PALLD: variants seen among roughly 807,000 people sequenced by gnomAD.
PALLD encodes the protein palladin, cytoskeletal associated protein.
In PALLD, 61 loss-of-function variants were observed where a neutral mutation model predicts 123.5. The observed-to-expected ratio is 0.49, with a 90% CI of 0.40 to 0.61. The LOEUF (loss-of-function observed/expected upper bound fraction) is 0.61, where lower values mean the gene tolerates loss of function less well. Among genes scored for constraint, PALLD ranks in the 20% least tolerant of loss-of-function variants. The pLI is 0.00. For missense variants in PALLD, 1,273 were observed against 1,377.0 expected, an observed-to-expected ratio of 0.92 and a Z score of 1.20; for synonymous variants, 465 against 496.4, an observed-to-expected ratio of 0.94 and a Z score of 0.84.
intron 10 of PALLD, among the ~76,000 whole-genome samples, chr4:168,712,730 C>T (rs896625693): frequency 1.6e-4 from 25 of 152,238 alleles, no homozygotes; most frequent in African/African-American, 6.0e-4. Context: ...TGTATGTATT[C>T]TATGAGGTCA....
intron 2 of PALLD, among the ~76,000 whole-genome samples, chr4:168,664,033 C>T (rs1258094991): frequency 2.0e-5 from 3 of 152,180 alleles, no homozygotes; most frequent in Non-Finnish European, 4.4e-5. Flanking sequence ...TATTACATCT[C>T]CCTCCTTGAT....
At chr4:168,690,873 T>C in intron 7 of PALLD, 129 bp downstream of exon 7, 2 of 974,636 alleles carry the variant, frequency 2.1e-6, no homozygotes, top group Non-Finnish European at 3.3e-6. Context: ...TCAGATAATC[T>C]ACAGTGTGTT....
At chr4:168,908,266 C>G (rs1410209422) in intron 15 of PALLD, among the ~76,000 whole-genome samples, 1 of 152,164 alleles carries the variant, frequency 6.6e-6, no homozygotes, top group Non-Finnish European at 1.5e-5. Flanking sequence ...GTGAACTTCA[C>G]TATCCATTAG....
intron 2 of PALLD, among the ~76,000 whole-genome samples, chr4:168,576,594 C>T (rs1195059294): frequency 2.0e-5 from 3 of 151,430 alleles, no homozygotes; most frequent in African/African-American, 2.4e-5. Context: ...CATAGTATTC[C>T]ATGGTGTATA....
intron 2 of PALLD, among the ~76,000 whole-genome samples, chr4:168,564,341 C>A (rs1003879472): frequency 4.6e-5 from 7 of 152,094 alleles, no homozygotes; most frequent in African/African-American, 1.7e-4. Flanking sequence ...CCTACCATGA[C>A]GTTAGCATTT....
intron 10 of PALLD, among the ~76,000 whole-genome samples, chr4:168,781,269 T>C (rs543418050): frequency 1.9e-4 from 29 of 152,310 alleles, no homozygotes; most frequent in African/African-American, 7.0e-4. Flanking sequence ...TTGAACAGGA[T>C]GATGTTTGAG....
At chr4:168,726,752 T>TAAA (rs201392402) in intron 10 of PALLD, among the ~76,000 whole-genome samples, 1 of 146,776 alleles carries the variant, frequency 6.8e-6, no homozygotes, top group African/African-American at 2.5e-5. Flanking sequence ...GCTGTCCCTT[T>TAAA]AAAAAAAAAA....
chr4:168,499,397 G>T (rs1163343441), intron 1 of PALLD, among the ~76,000 whole-genome samples: 1 of 151,082 alleles, frequency 6.6e-6, no homozygotes, highest in Non-Finnish European at 1.5e-5. Context: ...ATTTAGTCTA[G>T]GGGGGTTGCC....
intron 8 of PALLD, among the ~76,000 whole-genome samples, chr4:168,695,823 T>C (rs1783079070): frequency 6.6e-6 from 1 of 152,218 alleles, no homozygotes; most frequent in Non-Finnish European, 1.5e-5. Flanking sequence ...TCTTTGGAAA[T>C]AACTACATAA....
In PALLD at chr4:168,733,380, C is replaced by T. The variant is rs945358565; in HGVS notation, c.1964+21457C>T. On this transcript the variant is annotated intron_variant, in intron 10 of 21. Coordinates refer to ENST00000505667, the MANE Select transcript of PALLD (RefSeq NM_001166108.2). ...TAGGGATGACTCCTGCATGTTTTCT[C>T]TTCCTTTTAAGTAGACAAGTTCTAA... Among the ~76,000 whole-genome samples the T allele has an allele frequency of 3.3e-5, 5 of 152,102 alleles. No homozygotes were observed. In the East Asian group the frequency reaches 7.7e-4, roughly 23 times the overall value.
chr4:168,691,241 T>G, intron 7 of PALLD, 28 bp from the exon 8 acceptor site: 1 of 1,571,516 alleles, frequency 6.4e-7, no homozygotes, highest in Non-Finnish European at 8.8e-7. Context: ...TACTTTGTTC[T>G]AATTTATTTT....
intron 1 of PALLD, among the ~76,000 whole-genome samples, chr4:168,511,096 A>G (rs962554611): frequency 6.9e-6 from 1 of 145,612 alleles, no homozygotes; most frequent in Admixed American, 6.8e-5. Flanking sequence ...TATTCTATTG[A>G]TCTCATTACA....
chr4:168,777,239 T>C (rs1405764111), intron 10 of PALLD, among the ~76,000 whole-genome samples: 1 of 152,072 alleles, frequency 6.6e-6, no homozygotes, highest in East Asian at 1.9e-4. Context: ...GCCTACTCAG[T>C]GAGTCTCAGT....
rs70961551 is a variant in PALLD at position 168,689,432 on chromosome 4, CTTTTTTTTTT to C, written c.1336-1147_1336-1138del. Among the ~76,000 whole-genome samples the C allele has an allele frequency of 3.6e-4, 18 of 49,852 alleles. 1 individual carries two copies. The East Asian group carries it at 8.9e-3, about 25-fold the overall frequency. The allele number at this position is 49,852 out of a possible 152,430, so 32.7% of individuals were successfully genotyped here. ...TACACCTTACATTCGATCCAATATT[CTTTTTTTTTT>C]TTTTTTTTTTTTTTTTTTTTTTTGA... On this transcript the variant is annotated intron_variant, in intron 6 of 21. Coordinates refer to ENST00000505667, the MANE Select transcript of PALLD (RefSeq NM_001166108.2).
intron 10 of PALLD, among the ~76,000 whole-genome samples, chr4:168,821,020 A>G (rs1232859227): frequency 2.6e-5 from 4 of 152,238 alleles, no homozygotes; most frequent in Non-Finnish European, 1.5e-5. Context: ...TCACATCAGT[A>G]TGGAAAAAGA....
At chr4:168,530,442 G>A (rs990722196) in intron 2 of PALLD, 2 of 152,186 alleles carry the variant, frequency 1.3e-5, no homozygotes, top group African/African-American at 4.8e-5. Context: ...ACTGCAGAGA[G>A]AGATAGACAC....
At chr4:168,516,942 G>A (rs1306580182) in intron 2 of PALLD, among the ~76,000 whole-genome samples, 1 of 152,084 alleles carries the variant, frequency 6.6e-6, no homozygotes, top group Non-Finnish European at 1.5e-5. Context: ...ATTTTTTAAG[G>A]TGGGTATAGT....
intron 2 of PALLD, among the ~76,000 whole-genome samples, chr4:168,544,825 T>C (rs1409417018): frequency 1.3e-5 from 2 of 152,208 alleles, no homozygotes; most frequent in Non-Finnish European, 2.9e-5. Context: ...CAGGACAATG[T>C]TTCTCCCAGC....
At chr4:168,794,538 A>ACC (rs1554084032) in intron 10 of PALLD, among the ~76,000 whole-genome samples, 108 of 146,398 alleles carry the variant, frequency 7.4e-4, no homozygotes, top group East Asian at 2.3e-3. Flanking sequence ...ACACACACAC[A>ACC]CCCCTCTGGC....
Sources: gnomAD v4.1 joint callset for allele counts (sites outside exome capture counted in the v4.1 genomes callset) on GRCh38, gnomAD v4.1.1 for gene constraint, MANE v1.5 for transcripts, NCBI Gene and HGNC (gene_info 2026-07-23, HGNC 2026-07-21) for gene names.